The following JAK2 variants were observed in gnomAD, a reference collection of about 807,000 sequenced individuals.
JAK2 encodes Janus kinase 2, also known as tyrosine-protein kinase JAK2.
Under a neutral mutation model 139.3 loss-of-function variants are expected in JAK2, and 86 were observed. The ratio of observed to expected loss-of-function variants is 0.62; its 90% confidence interval spans 0.52 to 0.74. The LOEUF (loss-of-function observed/expected upper bound fraction) is 0.74, where lower values mean the gene tolerates loss of function less well. JAK2 is among the 30% of genes least tolerant of loss of function. The probability of loss-of-function intolerance (pLI) is 0.00; values close to 1 mark genes in which losing one functional copy is unlikely to be tolerated. For synonymous variants in JAK2, 490 were observed against 437.7 expected (o/e 1.12, Z -1.49); for missense variants, 1,421 against 1,360.3 (o/e 1.04, Z -0.70).
intron 2 of JAK2, among the ~76,000 whole-genome samples, chr9:5,011,673 A>C (rs929010325): frequency 6.6e-6 from 1 of 152,092 alleles, no homozygotes; most frequent in African/African-American, 2.4e-5. Flanking sequence ...ATGTTTAATA[A>C]GTTTCAGCTG....
intron 19 of JAK2, among the ~76,000 whole-genome samples, chr9:5,083,026 CAT>C: frequency 6.6e-6 from 1 of 152,288 alleles, no homozygotes; most frequent in East Asian, 1.9e-4. Context: ...GAGGCTTTAA[CAT>C]GTAATGTGCA....
Position 5,077,517 on chromosome 9 carries a change from T to C in JAK2, c.1929T>C (p.Asn643=), listed in dbSNP as rs2230728. The C allele has an allele frequency of 7.4e-3, 10,809 of 1,463,058 alleles. 683 individuals are homozygous for C. The African/African-American group carries it at 0.13, about 18-fold the overall frequency. 90.6% of individuals were successfully genotyped at this position (1,463,058 alleles called of 1,614,324 possible). The change falls in exon 15 of 25, where the codon AAT becomes AAC. Residue 643 remains asparagine (N), a synonymous_variant. Coordinates refer to ENST00000381652, the MANE Select transcript of JAK2 (RefSeq NM_004972.4). The part of the protein sequence containing the change: ...SLDTYLKKNK[N]CINILWKLEV... ...ATACATATCTGAAAAAGAATAAAAA[T>C]TGTATAAATATATTATGGAAACTTG... is the stretch of plus-strand genomic sequence containing the variant.
intron 8 of JAK2, among the ~76,000 whole-genome samples, chr9:5,063,252 G>T (rs1176785447): frequency 6.6e-6 from 1 of 151,968 alleles, no homozygotes; most frequent in Non-Finnish European, 1.5e-5. Context: ...TTTTTCCTTT[G>T]TATCTAGCTT....
In JAK2 at chr9:5,128,797, A is replaced by G. The variant is rs1408368437; in HGVS notation, c.*2006A>G. On this transcript the variant is annotated 3_prime_UTR_variant, in exon 25 of 25. Coordinates refer to ENST00000381652, the MANE Select transcript of JAK2 (RefSeq NM_004972.4). Reference sequence around the variant, plus strand: ...AAATAAGATAACCCTGTAGTTATTAAGTTGGTTCTGTACAAGAAACAGGTA... The same window carrying G: ...AAATAAGATAACCCTGTAGTTATTAGGTTGGTTCTGTACAAGAAACAGGTA... Among the ~76,000 whole-genome samples the G allele has an allele frequency of 6.6e-6, 1 of 152,008 alleles. No homozygotes were observed. Among genetic ancestry groups the G allele is most frequent in the African/African-American group, 2.4e-5 (1 of 41,452 alleles).
chr9:5,106,497 C>A lies in JAK2; in HGVS notation c.3059+15586C>A, dbSNP rs141950983. On this transcript the variant is annotated intron_variant, in intron 22 of 24. Transcript: ENST00000381652. ...CACTGCAGAAGACAGTGTGGCGACT[C>A]CTCAAGGATCTAGAACTAGAAATAC... is the stretch of plus-strand genomic sequence containing the variant. Among the ~76,000 whole-genome samples the A allele has an allele frequency of 3.8e-3, 583 of 152,300 alleles. 1 individual carries two copies. Among genetic ancestry groups the A allele is most frequent in the Non-Finnish European group, 6.4e-3 (434 of 68,028 alleles).
chr9:5,112,826 C>A, intron 22 of JAK2: 1 of 559,004 alleles, frequency 1.8e-6, no homozygotes, highest in Non-Finnish European at 2.8e-6. Context: ...GAGTGAAGCC[C>A]ACAACCCCGC....
intron 22 of JAK2, chr9:5,114,202 G>T: frequency 2.1e-6 from 1 of 482,112 alleles, no homozygotes; most frequent in African/African-American, 1.9e-5. Context: ...ACCTACCTGA[G>T]CCGGTCCAGC....
At chr9:5,086,130 C>T in intron 19 of JAK2, 2 of 384,108 alleles carry the variant, frequency 5.2e-6, no homozygotes, top group South Asian at 6.1e-5. Flanking sequence ...CGGCGCGCGG[C>T]CCCGGCGGCC....
intron 14 of JAK2, among the ~76,000 whole-genome samples, 187 bp from the exon 15 acceptor site, chr9:5,077,266 G>T (rs919102380): frequency 6.7e-4 from 101 of 150,472 alleles, no homozygotes; most frequent in African/African-American, 2.4e-3. Context: ...TACTCTTGCT[G>T]TTGTAAGTAA....
chr9:5,047,889 C>T (rs944636712), intron 5 of JAK2, among the ~76,000 whole-genome samples: 6 of 152,054 alleles, frequency 3.9e-5, no homozygotes, highest in African/African-American at 7.2e-5. Context: ...GTGTGAGCCA[C>T]CACACCTGGC....
intron 9 of JAK2, among the ~76,000 whole-genome samples, chr9:5,066,442 T>C (rs1256854915): frequency 6.6e-6 from 1 of 152,162 alleles, no homozygotes; most frequent in Non-Finnish European, 1.5e-5. Flanking sequence ...TTTTGTCTTA[T>C]AAATACCTTT....
In JAK2 at chr9:5,128,173, T is replaced by C. The variant is rs993411799; in HGVS notation, c.*1382T>C. On this transcript the variant is annotated 3_prime_UTR_variant, in exon 25 of 25. Coordinates refer to ENST00000381652, the MANE Select transcript of JAK2 (RefSeq NM_004972.4). The stretch of plus-strand genomic sequence containing the variant: ...CTGTTTTGATTAAAAAGAAAATAGT[T>C]TCTTACTTTATTTTTACTGGTATGT... 4.3e-6 allele frequency: 1 copy of C among 232,078 alleles called. No individual in the cohort carries two copies. The highest frequency in any genetic ancestry group is 2.2e-5 in the African/African-American group (1 of 45,188). The allele number at this position is 232,078 out of a possible 1,614,324, so 14.4% of individuals were successfully genotyped here.
chr9:5,044,301 A>T (rs1238003227), intron 4 of JAK2, 102 bp from the exon 5 acceptor site: 3 of 721,596 alleles, frequency 4.2e-6, no homozygotes, highest in Non-Finnish European at 7.2e-6. Flanking sequence ...TTTTCTAAGT[A>T]TGGGATAATA....
In JAK2 at chr9:5,034,246, C is replaced by T. The variant is rs566135218; in HGVS notation, c.350+4340C>T. 7.9e-5 allele frequency among the ~76,000 whole-genome samples: 12 copies of T among 152,140 alleles called. No individual in the cohort carries two copies. In the South Asian group the frequency reaches 2.1e-3, roughly 26 times the overall value. On this transcript the variant is annotated intron_variant, in intron 4 of 24. Transcript: ENST00000381652. ...GAGCACCCAGATTCATAAAGCAAGT[C>T]CTTAGAGACCTACAAAGAGACTTAG...
At chr9:4,986,424 A>T (rs941441355) in intron 2 of JAK2, among the ~76,000 whole-genome samples, 2 of 152,076 alleles carry the variant, frequency 1.3e-5, no homozygotes, top group South Asian at 2.1e-4. Context: ...ATGTTTCCTC[A>T]TGGTTTTATC....
intron 22 of JAK2, among the ~76,000 whole-genome samples, chr9:5,117,502 A>G (rs1823286177): frequency 6.6e-6 from 1 of 152,160 alleles, no homozygotes; most frequent in Admixed American, 6.5e-5. Flanking sequence ...ATTTTTTCAT[A>G]AGTATAGTTT....
intron 2 of JAK2, among the ~76,000 whole-genome samples, chr9:5,014,092 T>C (rs1211214905): frequency 6.6e-6 from 1 of 152,026 alleles, no homozygotes; most frequent in African/African-American, 2.4e-5. Flanking sequence ...TAAAATGTGA[T>C]ATTTGAGGTA....
At chr9:5,097,925 T>A (rs568892247) in intron 22 of JAK2, 9 of 152,272 alleles carry the variant, frequency 5.9e-5, no homozygotes, top group Admixed American at 5.2e-4. Flanking sequence ...AGGTGTTAAT[T>A]TAACCTTTTT....
Position 5,068,774 on chromosome 9 carries a change from A to G in JAK2, c.1327-248A>G, listed in dbSNP as rs1256565758. Among the ~76,000 whole-genome samples, 3 of 152,216 alleles carry G rather than the reference A, an allele frequency of 2.0e-5. No individual in the cohort carries two copies. The East Asian group carries it at 5.8e-4, about 29-fold the overall frequency. On this transcript the variant is annotated intron_variant, in intron 10 of 24. Coordinates refer to ENST00000381652, the MANE Select transcript of JAK2 (RefSeq NM_004972.4). ...AACTATTAAGGATGGTATTGTTGCT[A>G]TTAATTATCATTGCCTTCTTACATG...
Sources: gnomAD v4.1 joint callset for allele counts (sites outside exome capture counted in the v4.1 genomes callset) on GRCh38, gnomAD v4.1.1 for gene constraint, MANE v1.5 for transcripts, NCBI Gene and HGNC (gene_info 2026-07-23, HGNC 2026-07-21) for gene names.